The following HSD3B2 variants were observed in gnomAD, a reference collection of about 807,000 sequenced individuals.
The protein encoded by HSD3B2 is 3 beta-hydroxysteroid dehydrogenase/Delta 5-->4-isomerase type 2.
Under a neutral mutation model 9.9 loss-of-function variants are expected in HSD3B2, and 8 were observed. The ratio of observed to expected loss-of-function variants is 0.81; its 90% CI spans 0.47 to 1.46. The LOEUF is 1.46. Among genes scored for constraint, HSD3B2 ranks in the 40% most tolerant of loss-of-function variants. HSD3B2 has a pLI of 0.00. For synonymous variants in HSD3B2, 221 were observed against 184.5 expected, an observed-to-expected ratio of 1.20 and a Z score of -1.60; for missense variants, 410 against 448.3, an observed-to-expected ratio of 0.91 and a Z score of 0.77.
chr1:119,421,159 G>T (rs1651845056), intron 3 of HSD3B2, among the ~76,000 whole-genome samples: 1 of 151,724 alleles, frequency 6.6e-6, no homozygotes, highest in Non-Finnish European at 1.5e-5. Flanking sequence ...ATATTCAACT[G>T]TGAATTTGTG....
rs1557869551 is a variant in HSD3B2, at chr1:119,421,459, ATATATGTATATATATATGTAT to A, written c.308-349_308-329del. 0.031 allele frequency among the ~76,000 whole-genome samples: 285 copies of A among 9,172 alleles called. 19 individuals are homozygous for A. The South Asian group carries it at 0.37, about 12-fold the overall frequency. 6.0% of individuals were successfully genotyped at this position (9,172 alleles called of 152,430 possible). A position where few individuals can be genotyped will look rare whatever the true frequency, so the allele number is the denominator to read the frequency against. On this transcript the variant is annotated intron_variant, in intron 3 of 3. Coordinates refer to ENST00000369416, the MANE Select transcript of HSD3B2 (RefSeq NM_000198.4). Reference sequence around the variant, plus strand: ...TATATATGTATATATATATGTATATATATATGTATATATATATGTATATATATATTTTATAATATATATATA... The same window carrying A: ...TATATATGTATATATATATGTATATAATATATATTTTATAATATATATATA...
intron 3 of HSD3B2, 51 bp downstream of exon 3, chr1:119,419,633 AAAG>A (rs762271548): frequency 2.6e-6 from 4 of 1,557,280 alleles, no homozygotes; most frequent in Non-Finnish European, 3.5e-6. Context: ...TGAGGATCAG[AAAG>A]AAGGACAAGA....
At chr1:119,419,076 A>T (rs587727390) in intron 2 of HSD3B2, among the ~76,000 whole-genome samples, 1 of 152,236 alleles carries the variant, frequency 6.6e-6, no homozygotes, top group African/African-American at 2.4e-5. Context: ...TCCCTCTTAT[A>T]CCCAACTCTC....
chr1:119,422,594 G>C lies in HSD3B2; in HGVS notation c.1093G>C (p.Glu365Gln). 6.2e-7 allele frequency: 1 copy of C among 1,614,076 alleles called. No homozygotes were observed. Reference sequence around the variant, plus strand: ...TGGTTCCCTTGTGGACCGGCACAAGGAGACCCTGAAGTCCAAGACTCAGTG... The same window carrying C: ...TGGTTCCCTTGTGGACCGGCACAAGCAGACCCTGAAGTCCAAGACTCAGTG... ...WVGSLVDRHK[E>Q]TLKSKTQ Residue 365 changes from glutamate to glutamine, a missense_variant, in exon 4 of 4, where the codon GAG (glutamate) becomes CAG (glutamine). Physicochemically the swap from Glu to Gln is conservative, Grantham distance 29 (BLOSUM62 2). Coordinates refer to ENST00000369416, the MANE Select transcript of HSD3B2 (RefSeq NM_000198.4).
chr1:119,421,431 ATATATATATGTATATATATATG>A (rs1557869459), intron 3 of HSD3B2, among the ~76,000 whole-genome samples: 2 of 31,444 alleles, frequency 6.4e-5, no homozygotes, highest in African/African-American at 2.0e-4. Context: ...ATATATGTAT[ATATATATATGTATATATATATG>A]TATATATATA....
rs189830317 is a variant in HSD3B2, at chr1:119,415,883, T to C, written c.142+322T>C. 2.2e-3 allele frequency among the ~76,000 whole-genome samples: 342 copies of C among 152,306 alleles called. 3 individuals are homozygous for C. The highest frequency in any genetic ancestry group is 8.0e-3 in the African/African-American group (332 of 41,564). ...CTCTTATGTTCTGAAGCTTTTTGTC[T>C]TGGCGATTGCTGTGCGACATTCACA... On this transcript the variant is annotated intron_variant, in intron 2 of 3. Coordinates refer to ENST00000369416, the MANE Select transcript of HSD3B2 (RefSeq NM_000198.4).
rs1651892938 is a variant in HSD3B2, at chr1:119,422,048, G to A, written c.547G>A (p.Ala183Thr). 6.2e-7 allele frequency: 1 copy of A among 1,614,084 alleles called. No homozygotes were observed. Among genetic ancestry groups the A allele is most frequent in the South Asian group, 1.1e-5 (1 of 91,082 alleles). Residue 183 changes from alanine (A) to threonine (T), a missense_variant, in exon 4 of 4, where the codon GCG becomes ACG. By Grantham distance (58) the Ala-to-Thr change is moderately conservative. Coordinates refer to ENST00000369416, the MANE Select transcript of HSD3B2 (RefSeq NM_000198.4). ...AAATGGTGATACCTTGTACACTTGT[G>A]CGTTAAGACCCACATATATCTATGG... ...LKNGDTLYTC[A>T]LRPTYIYGEG...
intron 2 of HSD3B2, among the ~76,000 whole-genome samples, chr1:119,418,402 T>G (rs959526186): frequency 2.0e-5 from 3 of 152,074 alleles, no homozygotes; most frequent in Non-Finnish European, 2.9e-5. Flanking sequence ...TACCAGGACC[T>G]TCAAGGTGAG....
chr1:119,417,681 T>A (rs2854963), intron 2 of HSD3B2, among the ~76,000 whole-genome samples: 105,218 of 151,512 alleles, frequency 0.69, 36,630 homozygotes, highest in African/African-American at 0.74. Context: ...CCCACCTGTA[T>A]CCCAGGAAGG....
At chr1:119,421,749 A>G in intron 3 of HSD3B2, 60 bp from the exon 4 acceptor site, 4 of 1,582,692 alleles carry the variant, frequency 2.5e-6, no homozygotes, top group East Asian at 4.5e-5. Context: ...GGATCTGTGC[A>G]TGTGGTTGCA....
chr1:119,416,135 AAGAT>A (rs1228066063), intron 2 of HSD3B2, among the ~76,000 whole-genome samples: 11 of 152,190 alleles, frequency 7.2e-5, no homozygotes, highest in East Asian at 5.8e-4. Context: ...ATGAATGAGA[AAGAT>A]AGTGTGAGGG....
rs923252740 is a variant in HSD3B2 at position 119,422,644 on chromosome 1, T to A, written c.*24T>A. On this transcript the variant is annotated 3_prime_UTR_variant, in exon 4 of 4. Coordinates refer to ENST00000369416, the MANE Select transcript of HSD3B2 (RefSeq NM_000198.4). ...GATTTAAGGATGACAGAGATGTGCA[T>A]GTGGGTATTGTTAGGAAATGTCATC... 21 of 1,612,262 alleles carry A rather than the reference T, an allele frequency of 1.3e-5. No homozygotes were observed. The highest frequency in any genetic ancestry group is 1.8e-5 in the Non-Finnish European group (21 of 1,179,604).
At position 119,415,357 on chromosome 1, in the gene HSD3B2, G is replaced by C; in HGVS notation, c.-63G>C. ...CCTCTTCTGGGTCACGCTAGAATCA[G>C]ATCTGCTCTCCAGCATCTTCTGTTT... On this transcript the variant is annotated 5_prime_UTR_variant, in exon 2 of 4. Coordinates refer to ENST00000369416, the MANE Select transcript of HSD3B2 (RefSeq NM_000198.4). The C allele has an allele frequency of 3.8e-6, 6 of 1,577,120 alleles. No individual in the cohort carries two copies. The highest frequency in any genetic ancestry group is 5.2e-6 in the Non-Finnish European group (6 of 1,148,058).
chr1:119,419,451 A>G lies in HSD3B2; in HGVS notation c.176A>G (p.Glu59Gly). The G allele has an allele frequency of 1.2e-6, 2 of 1,613,766 alleles. No homozygotes were observed. Among genetic ancestry groups the G allele is most frequent in the Non-Finnish European group, 1.7e-6 (2 of 1,179,800 alleles). ...AACAGGACCAAGCTGACTGTACTTG[A>G]AGGAGACATTCTGGATGAGCCATTC... ...LQNRTKLTVL[E>G]GDILDEPFLK... Residue 59 changes from glutamate (E) to glycine (G), a missense_variant, in exon 3 of 4, where the codon GAA (glutamate) becomes GGA (glycine). Physicochemically the swap from Glu to Gly is moderately conservative, Grantham distance 98 (BLOSUM62 -2). Coordinates refer to ENST00000369416, the MANE Select transcript of HSD3B2 (RefSeq NM_000198.4).
At position 119,421,803 on chromosome 1, in the gene HSD3B2, G is replaced by A. The variant is rs755048400; in HGVS notation, c.308-6G>A. 9.3e-6 allele frequency: 15 copies of A among 1,613,324 alleles called. No homozygotes were observed. The highest frequency in any genetic ancestry group is 1.2e-5 in the Non-Finnish European group (14 of 1,179,712). ...CTGACACTGTCATCATGCTCTTCGT[G>A]GGCAGGTACCCAGCTACTGTTGGAG... On this transcript the variant is annotated splice_polypyrimidine_tract_variant and splice_region_variant and intron_variant, in intron 3 of 3. Coordinates refer to ENST00000369416, the MANE Select transcript of HSD3B2 (RefSeq NM_000198.4).
chr1:119,416,306 T>C (rs1056192993), intron 2 of HSD3B2, among the ~76,000 whole-genome samples: 7 of 152,238 alleles, frequency 4.6e-5, no homozygotes, highest in African/African-American at 1.7e-4. Context: ...TTCTCATATA[T>C]AGCCTTTTTA....
At position 119,419,512 on chromosome 1, in the gene HSD3B2, C is replaced by T. The variant is rs1651802427; in HGVS notation, c.237C>T (p.Ile79=). 6.2e-7 allele frequency: 1 copy of T among 1,613,686 alleles called. No individual in the cohort carries two copies. Among genetic ancestry groups the T allele is most frequent in the Non-Finnish European group, 8.5e-7 (1 of 1,179,772 alleles). The change falls in exon 3 of 4, where the codon ATC becomes ATT. Residue 79 remains isoleucine, a synonymous_variant. Transcript: ENST00000369416. ...KRACQDVSVV[I]HTACIIDVFG... ...CCTGCCAGGACGTCTCGGTCGTCAT[C>T]CACACCGCCTGTATCATTGATGTCT...
rs1486794002 is a variant in HSD3B2 at position 119,421,847 on chromosome 1, G to A, written c.346G>A (p.Val116Met). The A allele has an allele frequency of 8.7e-6, 14 of 1,613,728 alleles. No individual in the cohort carries two copies. Among genetic ancestry groups the A allele is most frequent in the Non-Finnish European group, 1.2e-5 (14 of 1,179,908 alleles). The change falls in exon 4 of 4, where the codon GTG (valine) becomes ATG (methionine). Residue 116 changes from valine (V) to methionine (M), a missense_variant. Coordinates refer to ENST00000369416, the MANE Select transcript of HSD3B2 (RefSeq NM_000198.4). ...LLLEACVQAS[V>M]PVFIYTSSIE... ...GTTGGAGGCCTGTGTCCAAGCCAGT[G>A]TGCCAGTCTTCATCTACACCAGTAG... is the stretch of plus-strand genomic sequence containing the variant.
At position 119,415,519 on chromosome 1, in the gene HSD3B2, T is replaced by C; in HGVS notation, c.100T>C (p.Leu34=). ...EEKELKEIRA[L]DKAFRPELRE... The stretch of plus-strand genomic sequence containing the variant: ...GAAGGAACTGAAGGAGATCAGGGCC[T>C]TGGACAAGGCCTTCAGACCAGAATT... Residue 34 remains leucine (L), a synonymous_variant, in exon 2 of 4, where the codon TTG becomes CTG. Transcript: ENST00000369416. The C allele has an allele frequency of 6.2e-7, 1 of 1,613,914 alleles. No individual in the cohort carries two copies. The highest frequency in any genetic ancestry group is 1.1e-5 in the South Asian group (1 of 91,066).
Sources: allele counts gnomAD v4.1 joint callset (sites outside exome capture counted in the v4.1 genomes callset), GRCh38; gene constraint gnomAD v4.1.1; transcripts MANE v1.5; gene names NCBI Gene and HGNC (gene_info 2026-07-23, HGNC 2026-07-21).